Variants in FAM234A observed in about 807,000 individuals in gnomAD.
FAM234A encodes the protein protein FAM234A.
In FAM234A, 42 loss-of-function variants were observed where a neutral mutation model predicts 49.1. The observed-to-expected ratio is 0.86, with a 90% CI of 0.67 to 1.11. The LOEUF (loss-of-function observed/expected upper bound fraction) is 1.11. Among genes scored for constraint, FAM234A ranks in the 50% least tolerant of loss-of-function variants. The pLI is 0.00. For missense variants in FAM234A, 815 were observed against 745.2 expected (o/e 1.09, Z -1.09); for synonymous variants, 369 against 316.2 (o/e 1.17, Z -1.77).
intron 11 of FAM234A, 57 bp from the exon 12 acceptor site, chr16:264,557 T>G: frequency 9.0e-7 from 1 of 1,116,310 alleles, no homozygotes; most frequent in Non-Finnish European, 1.3e-6. Context: ...CTGACAGCAG[T>G]GTCCTGTGGG....
In FAM234A at chr16:254,543, C is replaced by T. The variant is rs2051150318; in HGVS notation, c.130C>T (p.Leu44Phe). The T allele has an allele frequency of 1.2e-6, 2 of 1,614,242 alleles. No individual in the cohort carries two copies. Among genetic ancestry groups the T allele is most frequent in the Non-Finnish European group, 1.7e-6 (2 of 1,180,038 alleles). Residue 44 changes from leucine to phenylalanine, a missense_variant, in exon 3 of 13, where the codon CTC becomes TTC. Physicochemically the swap from Leu to Phe is conservative, Grantham distance 22. Transcript: ENST00000399932. Reference protein sequence around the residue: ...NVKSAPPQSRLSRCRAAAFFL... With the variant: ...NVKSAPPQSRFSRCRAAAFFL... ...GAAAAGCGCGCCTCCACAGTCCCGG[C>T]TCTCCCGGTGCCGAGCGGCGGCGTT... is the stretch of plus-strand genomic sequence containing the variant.
chr16:258,075 C>T (rs1474540156), intron 3 of FAM234A, among the ~76,000 whole-genome samples: 1 of 151,636 alleles, frequency 6.6e-6, no homozygotes, highest in Non-Finnish European at 1.5e-5. Context: ...AGGCTTGTCT[C>T]GGACTCCTGA....
chr16:259,454 G>T, intron 3 of FAM234A, 29 bp from the exon 4 acceptor site: 1 of 1,285,016 alleles, frequency 7.8e-7, no homozygotes, highest in Non-Finnish European at 1.1e-6. Context: ...CATGGCCCGC[G>T]GAGTATAGTC....
intron 3 of FAM234A, among the ~76,000 whole-genome samples, chr16:257,042 G>A (rs1485955916): frequency 1.3e-5 from 2 of 151,388 alleles, no homozygotes; most frequent in Non-Finnish European, 2.9e-5. Context: ...ACGCTTGGCC[G>A]TAACTTTTGT....
intron 1 of FAM234A, among the ~76,000 whole-genome samples, chr16:238,765 CAAAAAAAAA>C (rs34366851): frequency 2.6e-5 from 1 of 37,898 alleles, no homozygotes; most frequent in African/African-American, 1.4e-4. Context: ...GACTCCGTCT[CAAAAAAAAA>C]AAAAAAAAAA....
downstream of FAM234A, chr16:269,288 C>A (rs765758290): frequency 1.3e-6 from 2 of 1,577,110 alleles, no homozygotes; most frequent in African/African-American, 1.3e-5. Context: ...CCCATCTCCA[C>A]CCCCAGGGCC....
chr16:266,693 C>CAGGT (rs1183857645), downstream of FAM234A, among the ~76,000 whole-genome samples: 1 of 152,190 alleles, frequency 6.6e-6, no homozygotes, highest in Non-Finnish European at 1.5e-5. Context: ...TGAGGTTGAA[C>CAGGT]AGGTGGGTGC....
chr16:261,236 G>C (rs1200599554), intron 5 of FAM234A, 148 bp from the exon 6 acceptor site: 8 of 885,532 alleles, frequency 9.0e-6, no homozygotes, highest in Non-Finnish European at 1.4e-5. Flanking sequence ...CTCCCCTCCT[G>C]TTGGCATCTG....
rs373489990 is a variant in FAM234A at position 254,686 on chromosome 16, G to T, written c.268+5G>T. 8 of 1,612,650 alleles carry T rather than the reference G, an allele frequency of 5.0e-6. No homozygotes were observed. The highest frequency in any genetic ancestry group is 1.3e-5 in the African/African-American group (1 of 74,800). On this transcript the variant is annotated splice_donor_5th_base_variant and intron_variant, in intron 3 of 12. Coordinates refer to ENST00000399932, the MANE Select transcript of FAM234A (RefSeq NM_032039.4). ...GGATAGACTACAGTGCCGCTGGTGA[G>T]CCTCGGCTTCCCCGCCCAGTGGGGT...
At chr16:269,132 A>G (rs1319191093), downstream of FAM234A, 10 of 902,256 alleles carry the variant, frequency 1.1e-5, no homozygotes, top group Admixed American at 8.1e-5. Context: ...CCCACAGAAG[A>G]CTGGGCCCCC....
At chr16:247,385 TGGC>T (rs1357975118) in intron 1 of FAM234A, among the ~76,000 whole-genome samples, 1 of 151,718 alleles carries the variant, frequency 6.6e-6, no homozygotes, top group Admixed American at 6.6e-5. Flanking sequence ...CGCCTCGGCC[TGGC>T]AAAGTGCTGG....
At chr16:261,027 A>T (rs1028856386) in intron 5 of FAM234A, among the ~76,000 whole-genome samples, 1 of 152,126 alleles carries the variant, frequency 6.6e-6, no homozygotes, top group Non-Finnish European at 1.5e-5. Context: ...GTCAGGCTTC[A>T]TCCACTCGGG....
At chr16:254,282 A>G (rs559140634) in intron 2 of FAM234A, 99 bp from the exon 3 acceptor site, 2 of 910,866 alleles carry the variant, frequency 2.2e-6, no homozygotes, top group Non-Finnish European at 3.4e-6. Context: ...TTAGAGCTGC[A>G]GCCAGTCCCC....
intron 2 of FAM234A, among the ~76,000 whole-genome samples, chr16:252,422 C>A (rs1296058110): frequency 1.3e-5 from 2 of 151,878 alleles, no homozygotes; most frequent in East Asian, 1.9e-4. Flanking sequence ...ACCTTGTGAT[C>A]TGCCTGCCTC....
downstream of FAM234A, among the ~76,000 whole-genome samples, chr16:267,276 G>T (rs987403110): frequency 1.3e-4 from 20 of 151,998 alleles, no homozygotes; most frequent in African/African-American, 4.8e-4. Context: ...ACACTACCCT[G>T]CTCACCCTAG....
At chr16:248,681 C>G (rs987241373) in intron 1 of FAM234A, among the ~76,000 whole-genome samples, 2 of 151,832 alleles carry the variant, frequency 1.3e-5, no homozygotes, top group Non-Finnish European at 2.9e-5. Context: ...AGTGCAGTGT[C>G]CTGGCCATCG....
chr16:239,398 G>A (rs983518592), intron 1 of FAM234A, among the ~76,000 whole-genome samples: 2 of 151,194 alleles, frequency 1.3e-5, no homozygotes, highest in Non-Finnish European at 2.9e-5. Flanking sequence ...TGGATCACGA[G>A]GTCAGGAGAT....
chr16:269,178 C>A, downstream of FAM234A: 2 of 1,046,292 alleles, frequency 1.9e-6, no homozygotes, highest in Non-Finnish European at 2.9e-6. Context: ...GGTTCAGCAG[C>A]CCCCAGGACC....
chr16:265,615 C>T lies in FAM234A; in HGVS notation c.*593C>T, dbSNP rs985540272. 6 of 985,528 alleles carry T rather than the reference C, an allele frequency of 6.1e-6. No individual in the cohort carries two copies. Among genetic ancestry groups the T allele is most frequent in the African/African-American group, 3.5e-5 (2 of 57,216 alleles). 61.0% of individuals were successfully genotyped at this position (985,528 alleles called of 1,614,324 possible). On this transcript the variant is annotated 3_prime_UTR_variant, in exon 13 of 13. Transcript: ENST00000399932. ...GGATCCTCTAGCATGGGGGGTGTGACTTGGTTCCTTTGACCAGGTCCTGTG... is the reference window on the plus strand; with the variant it reads ...GGATCCTCTAGCATGGGGGGTGTGATTTGGTTCCTTTGACCAGGTCCTGTG...
Sources: allele counts gnomAD v4.1 joint callset (sites outside exome capture counted in the v4.1 genomes callset), GRCh38; gene constraint gnomAD v4.1.1; transcripts MANE v1.5; gene names NCBI Gene and HGNC (gene_info 2026-07-23, HGNC 2026-07-21).